Variants in SCX observed in about 807,000 individuals in gnomAD.
SCX encodes the protein scleraxis bHLH transcription factor, also known as basic helix-loop-helix transcription factor scleraxis.
A neutral mutation model predicts 12.2 loss-of-function variants in SCX; 7 were observed. That is an observed-to-expected ratio of 0.57 (90% CI 0.33 to 1.08). The LOEUF is 1.08. SCX is among the 50% of genes least tolerant of loss of function. The pLI is 0.04. For synonymous variants in SCX, 193 were observed against 163.9 expected (o/e 1.18, Z -1.36); for missense variants, 342 against 337.2 (o/e 1.01, Z -0.11).
In SCX at chr8:144,268,203, C is replaced by G. The variant is rs1294985096; in HGVS notation, c.*61C>G. On this transcript the variant is annotated 3_prime_UTR_variant, in exon 2 of 2. Coordinates refer to ENST00000567180, the MANE Select transcript of SCX (RefSeq NM_001080514.3). ...TGGGGGAGGTGGACGCCCGGGGTGA[C>G]TGCAGACAGCCCCCACCTTGGACCT... 5.2e-6 allele frequency: 8 copies of G among 1,546,628 alleles called. No individual in the cohort carries two copies. The highest frequency in any genetic ancestry group is 7.0e-6 in the Non-Finnish European group (8 of 1,145,244).
chr8:144,268,118 C>G lies in SCX; in HGVS notation c.582C>G (p.Asp194Glu), dbSNP rs1216879581. 5.2e-6 allele frequency: 8 copies of G among 1,551,604 alleles called. No individual in the cohort carries two copies. The highest frequency in any genetic ancestry group is 7.0e-6 in the Non-Finnish European group (8 of 1,147,474). The stretch of plus-strand genomic sequence containing the variant: ...CCCCTCTGCAGAGCAAGGACCGCGA[C>G]AGAAAGACAGCGATTCGCAGTTAGG... ...SNQRKLSKDR[D>E]RKTAIRS The change falls in exon 2 of 2, where the codon GAC becomes GAG. Residue 194 changes from aspartate (D) to glutamate (E), a missense_variant. By Grantham distance (45) the Asp-to-Glu change is conservative. Around this residue, in one of 3 missense-constraint regions of SCX, gnomAD observed 161 missense variants for 155.7 expected, o/e 1.03. Coordinates refer to ENST00000567180, the MANE Select transcript of SCX (RefSeq NM_001080514.3).
Position 144,266,711 on chromosome 8 carries a change from C to T in SCX, c.98C>T (p.Ser33Leu). The part of the protein sequence containing the change: ...SEDEDRGSDS[S>L]GSDEKPCRVH... ...GACGAGGACCGCGGCAGCGACAGCTCGGGCTCCGACGAGAAACCCTGTCGC... is the reference window on the plus strand; with the variant it reads ...GACGAGGACCGCGGCAGCGACAGCTTGGGCTCCGACGAGAAACCCTGTCGC... The change falls in exon 1 of 2, where the codon TCG (serine) becomes TTG (leucine). Residue 33 changes from serine to leucine, a missense_variant. By Grantham distance (145) the Ser-to-Leu change is moderately radical (BLOSUM62 -2). Around this residue, in one of 3 missense-constraint regions of SCX, gnomAD observed 139 missense variants for 107.8 expected, o/e 1.29. Coordinates refer to ENST00000567180, the MANE Select transcript of SCX (RefSeq NM_001080514.3). 1 of 1,194,264 alleles carries T rather than the reference C, an allele frequency of 8.4e-7. No individual in the cohort carries two copies. The highest frequency in any genetic ancestry group is 1.1e-6 in the Non-Finnish European group (1 of 945,526). The allele number at this position is 1,194,264 out of a possible 1,614,324, so 74.0% of individuals were successfully genotyped here.
chr8:144,267,805 C>T (rs1187067175), intron 1 of SCX, among the ~76,000 whole-genome samples: 6 of 152,228 alleles, frequency 3.9e-5, no homozygotes, highest in African/African-American at 1.4e-4. Context: ...TGCTTGGTGG[C>T]ACCGGAAAAG....
Position 144,267,327 on chromosome 8 carries a change from G to GACACTCCTCCCTCCCCTCTGCAGAGCAA in SCX, c.567+147_567+148insACACTCCTCCCTCCCCTCTGCAGAGCAA. 11 of 1,017,974 alleles carry GACACTCCTCCCTCCCCTCTGCAGAGCAA rather than the reference G, an allele frequency of 1.1e-5. No homozygotes were observed. The Admixed American group carries it at 1.2e-4, about 11-fold the overall frequency. The allele number at this position is 1,017,974 out of a possible 1,614,324, so 63.1% of individuals were successfully genotyped here. ...CTGTAACACAGGCCTGCCGGGGGCT[G>GACACTCCTCCCTCCCCTCTGCAGAGCAA]GGGCCTTCTCCTGGGGCTCCTCTCC... On this transcript the variant is annotated intron_variant, in intron 1 of 1. Coordinates refer to ENST00000567180, the MANE Select transcript of SCX (RefSeq NM_001080514.3).
Position 144,266,957 on chromosome 8 carries a change from A to T in SCX, c.344A>T (p.Glu115Val). ...GCCGACCGCAAGCTCTCCAAGATTGAGACGCTGCGCCTGGCCTCCAGCTAC... is the reference window on the plus strand; with the variant it reads ...GCCGACCGCAAGCTCTCCAAGATTGTGACGCTGCGCCTGGCCTCCAGCTAC... ...EPADRKLSKI[E>V]TLRLASSYIS... The change falls in exon 1 of 2, where the codon GAG becomes GTG. Residue 115 changes from glutamate (E) to valine (V), a missense_variant. Transcript: ENST00000567180. 1 of 1,559,152 alleles carries T rather than the reference A, an allele frequency of 6.4e-7. No individual in the cohort carries two copies. The highest frequency in any genetic ancestry group is 8.6e-7 in the Non-Finnish European group (1 of 1,158,818).
Position 144,266,916 on chromosome 8 carries a change from G to A in SCX, c.303G>A (p.Leu101=). 3.9e-6 allele frequency: 6 copies of A among 1,551,090 alleles called. No homozygotes were observed. Among genetic ancestry groups the A allele is most frequent in the East Asian group, 2.5e-5 (1 of 40,276 alleles). ...CGGCCTTCACGGCGCTGCGCACGCT[G>A]ATCCCCACCGAGCCCGCCGACCGCA... ...VNTAFTALRT[L]IPTEPADRKL... is the part of the protein sequence containing the mutation. The change falls in exon 1 of 2, where the codon CTG becomes CTA. Residue 101 remains leucine (L), a synonymous_variant. Coordinates refer to ENST00000567180, the MANE Select transcript of SCX (RefSeq NM_001080514.3).
rs1461483498 is a variant in SCX at position 144,266,939 on chromosome 8, G to A, written c.326G>A (p.Arg109His). The change falls in exon 1 of 2, where the codon CGC (arginine) becomes CAC (histidine). Residue 109 changes from arginine (R) to histidine (H), a missense_variant. By Grantham distance (29) the Arg-to-His change is conservative (BLOSUM62 0). Transcript: ENST00000567180. ...CTGATCCCCACCGAGCCCGCCGACC[G>A]CAAGCTCTCCAAGATTGAGACGCTG... ...RTLIPTEPAD[R>H]KLSKIETLRL... 1.3e-6 allele frequency: 2 copies of A among 1,558,758 alleles called. No individual in the cohort carries two copies. The highest frequency in any genetic ancestry group is 1.4e-5 in the African/African-American group (1 of 71,586).
In SCX at chr8:144,266,545, CCCGCGGCGG is replaced by C; in HGVS notation, c.-64_-56del. The C allele has an allele frequency of 3.8e-5, 38 of 996,964 alleles. No homozygotes were observed. Among genetic ancestry groups the C allele is most frequent in the South Asian group, 4.5e-5 (1 of 22,240 alleles). The allele number at this position is 996,964 out of a possible 1,614,324, so 61.8% of individuals were successfully genotyped here. ...GCCTCGCCCCGGCCGGCCCGCGAGG[CCCGCGGCGG>C]CCGCAGGAGGCGGCATGAGCAGCGC... On this transcript the variant is annotated 5_prime_UTR_variant, in exon 1 of 2. Coordinates refer to ENST00000567180, the MANE Select transcript of SCX (RefSeq NM_001080514.3).
At position 144,268,192 on chromosome 8, in the gene SCX, G is replaced by A. The variant is rs1002611951; in HGVS notation, c.*50G>A. The A allele has an allele frequency of 3.3e-5, 51 of 1,548,288 alleles. No individual in the cohort carries two copies. Among genetic ancestry groups the A allele is most frequent in the South Asian group, 2.4e-4 (20 of 83,968 alleles). On this transcript the variant is annotated 3_prime_UTR_variant, in exon 2 of 2. Coordinates refer to ENST00000567180, the MANE Select transcript of SCX (RefSeq NM_001080514.3). ...GCAGACGCTGCTGGGGGAGGTGGAC[G>A]CCCGGGGTGACTGCAGACAGCCCCC...
rs923995672 is a variant in SCX, at chr8:144,268,084, C to T, written c.568-20C>T. The T allele has an allele frequency of 2.1e-5, 33 of 1,550,068 alleles. No individual in the cohort carries two copies. Among genetic ancestry groups the T allele is most frequent in the Admixed American group, 1.2e-4 (6 of 51,028 alleles). On this transcript the variant is annotated intron_variant, in intron 1 of 1. Coordinates refer to ENST00000567180, the MANE Select transcript of SCX (RefSeq NM_001080514.3). ...CGCTGGGCTCTGCCGGGGCCTGACACTCCTCCCTCCCCTCTGCAGAGCAAG... is the reference window on the plus strand; with the variant it reads ...CGCTGGGCTCTGCCGGGGCCTGACATTCCTCCCTCCCCTCTGCAGAGCAAG...
Position 144,266,654 on chromosome 8 carries a change from A to G in SCX, c.41A>G (p.Tyr14Cys), listed in dbSNP as rs1588591044. 3.2e-6 allele frequency: 4 copies of G among 1,252,850 alleles called. No individual in the cohort carries two copies. The South Asian group carries it at 4.3e-5, about 13-fold the overall frequency. The allele number at this position is 1,252,850 out of a possible 1,614,324, so 77.6% of individuals were successfully genotyped here. A position where few individuals can be genotyped will look rare whatever the true frequency, so the allele number is the denominator to read the frequency against. Residue 14 changes from tyrosine to cysteine, a missense_variant, in exon 1 of 2, where the codon TAC (tyrosine) becomes TGC (cysteine). By Grantham distance (194) the Tyr-to-Cys change is radical. This residue lies in a region of SCX where 139 missense variants were observed against 107.8 expected (regional missense o/e 1.29). Transcript: ENST00000567180. Reference sequence around the variant, plus strand: ...CTGCGCCCGGCGCCGCCGGGCCGCTACCTGTACCCCGAGGTGAGCCCGCTG... The same window carrying G: ...CTGCGCCCGGCGCCGCCGGGCCGCTGCCTGTACCCCGAGGTGAGCCCGCTG... ...ATLRPAPPGR[Y>C]LYPEVSPLSE...
At position 144,268,049 on chromosome 8, in the gene SCX, C is replaced by G. The variant is rs1035622616; in HGVS notation, c.568-55C>G. The G allele has an allele frequency of 1.9e-6, 3 of 1,548,880 alleles. No homozygotes were observed. In the African/African-American group the frequency reaches 4.1e-5, roughly 21 times the overall value. On this transcript the variant is annotated intron_variant, in intron 1 of 1. Transcript: ENST00000567180. ...GCACCCAGCAGGGAGGCCAGAGAGG[C>G]GCAGACTGGCGCTGGGCTCTGCCGG...
intron 1 of SCX, 133 bp from the exon 2 acceptor site, chr8:144,267,971 G>T: frequency 7.2e-7 from 1 of 1,382,114 alleles, no homozygotes; most frequent in South Asian, 1.2e-5. Flanking sequence ...AACGCTTGAG[G>T]GAAGCTGGGG....
rs1845384646 is a variant in SCX, at chr8:144,266,965, C to T, written c.352C>T (p.Arg118Cys). ...CAAGCTCTCCAAGATTGAGACGCTGCGCCTGGCCTCCAGCTACATCTCGCA... is the reference window on the plus strand; with the variant it reads ...CAAGCTCTCCAAGATTGAGACGCTGTGCCTGGCCTCCAGCTACATCTCGCA... Reference protein sequence around the residue: ...DRKLSKIETLRLASSYISHLG... With the variant: ...DRKLSKIETLCLASSYISHLG... The change falls in exon 1 of 2, where the codon CGC (arginine) becomes TGC (cysteine). Residue 118 changes from arginine to cysteine, a missense_variant. By Grantham distance (180) the Arg-to-Cys change is radical (BLOSUM62 -3). Around this residue, in one of 3 missense-constraint regions of SCX, gnomAD observed 161 missense variants for 155.7 expected, o/e 1.03. Coordinates refer to ENST00000567180, the MANE Select transcript of SCX (RefSeq NM_001080514.3). 6 of 1,556,120 alleles carry T rather than the reference C, an allele frequency of 3.9e-6. No individual in the cohort carries two copies. The highest frequency in any genetic ancestry group is 1.4e-5 in the African/African-American group (1 of 71,184).
chr8:144,266,498 C>T lies in SCX; in HGVS notation c.-116C>T, dbSNP rs1845368035. ...GCGCGACGCCCGGCAGCTGCCACCG[C>T]GGGGCGCAGCCGAGACCCCGCGCCT... On this transcript the variant is annotated 5_prime_UTR_variant, in exon 1 of 2. Transcript: ENST00000567180. The T allele has an allele frequency of 1.0e-6, 1 of 987,042 alleles. No homozygotes were observed. Among genetic ancestry groups the T allele is most frequent in the South Asian group, 4.6e-5 (1 of 21,752 alleles). 61.1% of individuals were successfully genotyped at this position (987,042 alleles called of 1,614,324 possible).
rs969066405 is a variant in SCX at position 144,268,400 on chromosome 8, G to A, written c.*258G>A. On this transcript the variant is annotated 3_prime_UTR_variant, in exon 2 of 2. Coordinates refer to ENST00000567180, the MANE Select transcript of SCX (RefSeq NM_001080514.3). ...CGCTGGCTTTTCTTCCGGCCACTGTGTGATGGCATCTTGTGTTTTTGATAT... is the reference window on the plus strand; with the variant it reads ...CGCTGGCTTTTCTTCCGGCCACTGTATGATGGCATCTTGTGTTTTTGATAT... The A allele has an allele frequency of 2.6e-4, 155 of 585,928 alleles. No homozygotes were observed. The highest frequency in any genetic ancestry group is 4.3e-4 in the Non-Finnish European group (143 of 330,106). The allele number at this position is 585,928 out of a possible 1,614,324, so 36.3% of individuals were successfully genotyped here.
rs959358260 is a variant in SCX, at chr8:144,267,462, G to A, written c.567+282G>A. On this transcript the variant is annotated intron_variant, in intron 1 of 1. Coordinates refer to ENST00000567180, the MANE Select transcript of SCX (RefSeq NM_001080514.3). Reference sequence around the variant, plus strand: ...CAAAGGGGCCCACCCAGGGCGGGGAGGCTGGGGAGCTGGACCAGGCCGCTG... The same window carrying A: ...CAAAGGGGCCCACCCAGGGCGGGGAAGCTGGGGAGCTGGACCAGGCCGCTG... 5.5e-3 allele frequency among the ~76,000 whole-genome samples: 835 copies of A among 152,372 alleles called. 5 individuals carry two copies. Among genetic ancestry groups the A allele is most frequent in the Non-Finnish European group, 9.1e-3 (616 of 68,030 alleles).
Position 144,267,108 on chromosome 8 carries a change from T to C in SCX, c.495T>C (p.Pro165=), listed in dbSNP as rs1845390674. 2 of 1,448,390 alleles carry C rather than the reference T, an allele frequency of 1.4e-6. No individual in the cohort carries two copies. The highest frequency in any genetic ancestry group is 1.5e-5 in the African/African-American group (1 of 67,134). The allele number at this position is 1,448,390 out of a possible 1,614,324, so 89.7% of individuals were successfully genotyped here. The change falls in exon 1 of 2, where the codon CCT becomes CCC. Residue 165 remains proline (P), a synonymous_variant. Transcript: ENST00000567180. Reference sequence around the variant, plus strand: ...GCCCCCCGCCGCCGCCCCCGCCGCCTCCCGCCCGCGACGGCGAGAACACCC... The same window carrying C: ...GCCCCCCGCCGCCGCCCCCGCCGCCCCCCGCCCGCGACGGCGAGAACACCC... ...AGSPPPPPPP[P]PARDGENTQP...
In SCX at chr8:144,266,695, C is replaced by G. The variant is rs1845375769; in HGVS notation, c.82C>G (p.Arg28Gly). 42 of 1,232,462 alleles carry G rather than the reference C, an allele frequency of 3.4e-5. No individual in the cohort carries two copies. Among genetic ancestry groups the G allele is most frequent in the Non-Finnish European group, 4.3e-5 (42 of 968,100 alleles). The allele number at this position is 1,232,462 out of a possible 1,614,324, so 76.3% of individuals were successfully genotyped here. A position where few individuals can be genotyped will look rare whatever the true frequency, so the allele number is the denominator to read the frequency against. Residue 28 changes from arginine to glycine, a missense_variant, in exon 1 of 2, where the codon CGC (arginine) becomes GGC (glycine). By Grantham distance (125) the Arg-to-Gly change is moderately radical. Coordinates refer to ENST00000567180, the MANE Select transcript of SCX (RefSeq NM_001080514.3). ...EVSPLSEDEDRGSDSSGSDEK... is the reference protein window; with the variant it reads ...EVSPLSEDEDGGSDSSGSDEK... ...GAGCCCGCTGTCGGAGGACGAGGAC[C>G]GCGGCAGCGACAGCTCGGGCTCCGA...
Sources: gnomAD v4.1 joint callset for allele counts (sites outside exome capture counted in the v4.1 genomes callset) on GRCh38, gnomAD v4.1.1 for gene constraint, gnomAD v4.1.1 regional missense constraint, MANE v1.5 for transcripts, NCBI Gene and HGNC (gene_info 2026-07-23, HGNC 2026-07-21) for gene names.